Variants in CAMKK2 observed in about 807,000 individuals in gnomAD.
CAMKK2 encodes the protein calcium/calmodulin dependent protein kinase kinase 2.
Under a neutral mutation model 67.2 loss-of-function variants are expected in CAMKK2, and 30 were observed. The ratio of observed to expected loss-of-function variants is 0.45; its 90% CI spans 0.33 to 0.61. The LOEUF is 0.61. CAMKK2 is among the 20% of genes least tolerant of loss of function. The pLI, the probability that CAMKK2 is intolerant of heterozygous loss-of-function variation, is 0.02. For synonymous variants in CAMKK2, 322 were observed against 326.2 expected (o/e 0.99, Z 0.14); for missense variants, 643 against 802.0 (o/e 0.80, Z 2.39).
intron 7 of CAMKK2, among the ~76,000 whole-genome samples, chr12:121,258,303 C>A (rs946529732): frequency 1.3e-5 from 2 of 152,138 alleles, no homozygotes; most frequent in Non-Finnish European, 2.9e-5. Context: ...AGATTACAGG[C>A]ATGAGCCACC....
intron 2 of CAMKK2, 110 bp downstream of exon 2, chr12:121,273,946 C>A (rs186174210): frequency 3.4e-6 from 3 of 871,758 alleles, no homozygotes; most frequent in East Asian, 5.5e-5. Context: ...CTAGGTCAAC[C>A]GTGGCACTCA....
At chr12:121,248,975 G>A (rs754556371) in intron 13 of CAMKK2, among the ~76,000 whole-genome samples, 24 of 152,262 alleles carry the variant, frequency 1.6e-4, no homozygotes, top group African/African-American at 2.4e-4. Context: ...ATCCGGCCCC[G>A]GGTCTTGGCC....
chr12:121,256,839 G>A (rs1892387541), intron 7 of CAMKK2, among the ~76,000 whole-genome samples: 1 of 152,100 alleles, frequency 6.6e-6, no homozygotes, highest in South Asian at 2.1e-4. Context: ...CTACTCTTTG[G>A]CTGTTGGGAA....
At chr12:121,279,726 C>A (rs1326847685) in intron 1 of CAMKK2, among the ~76,000 whole-genome samples, 1 of 152,234 alleles carries the variant, frequency 6.6e-6, no homozygotes. Context: ...CAGAGGCCAT[C>A]CCCCAAGGCC....
intron 9 of CAMKK2, among the ~76,000 whole-genome samples, chr12:121,254,610 A>G (rs1252276319): frequency 6.6e-6 from 1 of 152,088 alleles, no homozygotes; most frequent in Admixed American, 6.6e-5. Flanking sequence ...GGTGAACAGG[A>G]CCCTGATCCC....
intron 1 of CAMKK2, among the ~76,000 whole-genome samples, chr12:121,284,728 A>C (rs1248854344): frequency 6.6e-6 from 1 of 152,202 alleles, no homozygotes; most frequent in African/African-American, 2.4e-5. Flanking sequence ...ATCTCTAACA[A>C]GGGATTTGGG....
chr12:121,245,609 C>T lies in CAMKK2; in HGVS notation c.1453-369G>A, dbSNP rs1046798830. 6.6e-6 allele frequency among the ~76,000 whole-genome samples: 1 copy of T among 152,148 alleles called. No homozygotes were observed. Among genetic ancestry groups the T allele is most frequent in the African/African-American group, 2.4e-5 (1 of 41,434 alleles). Reference sequence around the variant, plus strand: ...TGGCCTGTGGTCAGCCAGAGAGCCCCGGAAAGTTCTGGAGCAAGGACGTGA... The same window carrying T: ...TGGCCTGTGGTCAGCCAGAGAGCCCTGGAAAGTTCTGGAGCAAGGACGTGA... On this transcript the variant is annotated intron_variant, in intron 14 of 16. Transcript: ENST00000404169. This position sits in a 1 kb window ranked among gnomAD's most constrained non-coding sequence, Gnocchi z 5.8.
rs1892089615 is a variant in CAMKK2 at position 121,255,552 on chromosome 12, T to C, written c.905A>G (p.Tyr302Cys). The part of the protein sequence containing the change: ...YFQDLIKGIE[Y>C]LHYQKIIHRD... ...GCCCTCCCGCAGGCCCTGCTCACAG[T>C]ACTCGATGCCTTTGATCAGATCCTG... The change falls in exon 9 of 17, where the codon TAC becomes TGC. Residue 302 changes from tyrosine (Y) to cysteine (C), a missense_variant and splice_region_variant. Physicochemically the swap from Tyr to Cys is radical, Grantham distance 194. This residue lies in a region of CAMKK2 where 483 missense variants were observed against 625.8 expected (regional missense o/e 0.77). Coordinates refer to ENST00000404169, the MANE Select transcript of CAMKK2 (RefSeq NM_001270485.2). 1 of 1,609,748 alleles carries C rather than the reference T, an allele frequency of 6.2e-7. No homozygotes were observed. Among genetic ancestry groups the C allele is most frequent in the African/African-American group, 1.3e-5 (1 of 74,534 alleles).
intron 16 of CAMKK2, among the ~76,000 whole-genome samples, chr12:121,242,428 G>C (rs978164593): frequency 6.6e-6 from 1 of 152,138 alleles, no homozygotes; most frequent in Non-Finnish European, 1.5e-5. Flanking sequence ...AGGCAGCCCC[G>C]GTTTGGCAAA....
chr12:121,274,670 G>A, intron 1 of CAMKK2, 85 bp from the exon 2 acceptor site: 2 of 619,572 alleles, frequency 3.2e-6, no homozygotes, highest in Non-Finnish European at 5.6e-6. Context: ...CCAGGCTGCT[G>A]TCTAATTCCT....
chr12:121,252,303 T>C (rs1358363348), intron 11 of CAMKK2, among the ~76,000 whole-genome samples: 1 of 152,248 alleles, frequency 6.6e-6, no homozygotes, highest in East Asian at 1.9e-4. Flanking sequence ...AGTCTCGCTC[T>C]TGTTGCCCAG....
At position 121,240,374 on chromosome 12, in the gene CAMKK2, G is replaced by A. The variant is rs1402474781; in HGVS notation, c.*325C>T. ...CACACAGTCACTTGGTATATCTGAC[G>A]TGGTTCTGAAAATCACAATGAAGGA... On this transcript the variant is annotated 3_prime_UTR_variant, in exon 17 of 17. Coordinates refer to ENST00000404169, the MANE Select transcript of CAMKK2 (RefSeq NM_001270485.2). The surrounding 1 kb of genome is among the most constrained non-coding windows in gnomAD (Gnocchi z 4.4). 6 of 1,415,638 alleles carry A rather than the reference G, an allele frequency of 4.2e-6. No homozygotes were observed. Among genetic ancestry groups the A allele is most frequent in the African/African-American group, 2.9e-5 (2 of 69,538 alleles). The allele number at this position is 1,415,638 out of a possible 1,614,324, so 87.7% of individuals were successfully genotyped here. A position where few individuals can be genotyped will look rare whatever the true frequency, so the allele number is the denominator to read the frequency against.
chr12:121,265,490 C>T (rs111776440), intron 5 of CAMKK2, among the ~76,000 whole-genome samples: 14 of 152,050 alleles, frequency 9.2e-5, no homozygotes, highest in Non-Finnish European at 1.9e-4. Context: ...TAATCCCCAA[C>T]GTGATGGTAT....
At chr12:121,244,138 A>G (rs1888931626) in intron 16 of CAMKK2, 3 of 1,610,782 alleles carry the variant, frequency 1.9e-6, no homozygotes, top group South Asian at 2.2e-5. Flanking sequence ...GTCTAAACAC[A>G]TCAAAGAAAG....
intron 16 of CAMKK2, among the ~76,000 whole-genome samples, chr12:121,241,772 A>AG (rs1055211557): frequency 9.2e-5 from 14 of 152,248 alleles, no homozygotes; most frequent in African/African-American, 3.1e-4. Context: ...GTCCCTGGGG[A>AG]GGGGGGCGCT....
At chr12:121,264,610 T>G (rs1034951592) in intron 5 of CAMKK2, among the ~76,000 whole-genome samples, 1 of 151,914 alleles carries the variant, frequency 6.6e-6, no homozygotes, top group African/African-American at 2.4e-5. Flanking sequence ...CTGTCTCGAC[T>G]AAAAATACAA....
Position 121,268,701 on chromosome 12 carries a change from T to G in CAMKK2, c.574-12A>C, listed in dbSNP as rs1895132609. The stretch of plus-strand genomic sequence containing the variant: ...AGCACCTTCATTGCCTGCAGGAAAA[T>G]GAAGGACAGCACCTTTAGCCAGGTC... On this transcript the variant is annotated splice_polypyrimidine_tract_variant and intron_variant, in intron 4 of 16. Transcript: ENST00000404169. 1.2e-6 allele frequency: 2 copies of G among 1,613,482 alleles called. No homozygotes were observed. The highest frequency in any genetic ancestry group is 2.7e-5 in the African/African-American group (2 of 74,874).
At chr12:121,282,827 T>C (rs1898048267) in intron 1 of CAMKK2, among the ~76,000 whole-genome samples, 1 of 152,138 alleles carries the variant, frequency 6.6e-6, no homozygotes, top group African/African-American at 2.4e-5. Flanking sequence ...CAATTTCGGC[T>C]TACTGCAACC....
At position 121,269,511 on chromosome 12, in the gene CAMKK2, A is replaced by G. The variant is rs1431205029; in HGVS notation, c.573+17T>C. On this transcript the variant is annotated intron_variant, in intron 4 of 16. Coordinates refer to ENST00000404169, the MANE Select transcript of CAMKK2 (RefSeq NM_001270485.2). ...GTGGATAAGGATGGGGGCAGGGAGGAGAATGCGGATACTCACATAGTAGGT... is the reference window on the plus strand; with the variant it reads ...GTGGATAAGGATGGGGGCAGGGAGGGGAATGCGGATACTCACATAGTAGGT... The G allele has an allele frequency of 6.3e-7, 1 of 1,586,096 alleles. No individual in the cohort carries two copies. Among genetic ancestry groups the G allele is most frequent in the Non-Finnish European group, 8.6e-7 (1 of 1,159,822 alleles).
Sources: allele counts gnomAD v4.1 joint callset (sites outside exome capture counted in the v4.1 genomes callset), GRCh38; gene constraint gnomAD v4.1.1; regional missense constraint gnomAD v4.1.1; non-coding constraint Gnocchi (gnomAD v3.1); transcripts MANE v1.5; gene names NCBI Gene and HGNC (gene_info 2026-07-23, HGNC 2026-07-21).